RARG: variants seen among roughly 807,000 people sequenced by gnomAD.
RARG encodes the protein RAR-gamma.
A neutral mutation model predicts 43.7 loss-of-function variants in RARG; 17 were observed. That is an observed-to-expected ratio of 0.39 (90% CI 0.27 to 0.58). RARG has a LOEUF of 0.58. RARG is among the 20% of genes least tolerant of loss of function. RARG has a pLI of 0.57. For synonymous variants in RARG, 238 were observed against 236.4 expected (o/e 1.01, Z -0.06); for missense variants, 346 against 598.7 (o/e 0.58, Z 4.40).
chr12:53,229,955 C>T (rs2120742588), intron 2 of RARG: 4 of 978,690 alleles, frequency 4.1e-6, no homozygotes, highest in Non-Finnish European at 2.4e-6. Flanking sequence ...TGTCCTTGGC[C>T]TTCCTCTTAT....
chr12:53,219,938 T>G, intron 3 of RARG: 1 of 1,500,244 alleles, frequency 6.7e-7, no homozygotes, highest in Non-Finnish European at 8.9e-7. Context: ...AGCCCCGGAC[T>G]CCGGTACCTA....
rs1016087675 is a variant in RARG at position 53,227,654 on chromosome 12, C to A, written c.-109G>T. On this transcript the variant is annotated 5_prime_UTR_variant, in exon 3 of 10. Coordinates refer to ENST00000425354, the MANE Select transcript of RARG (RefSeq NM_000966.6). The surrounding 1 kb of genome is among the most constrained non-coding windows in gnomAD (Gnocchi z 4.3). ...CCAGCCTGGGAGGCTCCGTACCCGC[C>A]CTGCCTGGCCTGCCCACTGGGCCTC... 1.5e-6 allele frequency: 2 copies of A among 1,340,524 alleles called. No individual in the cohort carries two copies. The highest frequency in any genetic ancestry group is 3.0e-5 in the African/African-American group (2 of 65,678). 83.0% of individuals were successfully genotyped at this position (1,340,524 alleles called of 1,614,324 possible).
In RARG at chr12:53,211,731, C is replaced by A. The variant is rs554853535; in HGVS notation, c.1310G>T (p.Ser437Ile). 39 of 1,567,454 alleles carry A rather than the reference C, an allele frequency of 2.5e-5. No homozygotes were observed. The East Asian group carries it at 8.1e-4, about 33-fold the overall frequency. ...SQPGPHPNAS[S>I]EDEVPGGQGK... is the part of the protein sequence containing the mutation. Reference sequence around the variant, plus strand: ...CTGGCCCCCAGGAACCTCATCCTCGCTAGAGGCATTGGGGTGGGGACCAGG... The same window carrying A: ...CTGGCCCCCAGGAACCTCATCCTCGATAGAGGCATTGGGGTGGGGACCAGG... The change falls in exon 10 of 10, where the codon AGC becomes ATC. Residue 437 changes from serine (S) to isoleucine (I), a missense_variant. Physicochemically the swap from Ser to Ile is moderately radical, Grantham distance 142. This residue lies in a region of RARG where 40 missense variants were observed against 44.6 expected (regional missense o/e 0.90). Coordinates refer to ENST00000425354, the MANE Select transcript of RARG (RefSeq NM_000966.6). The surrounding 1 kb of genome is among the most constrained non-coding windows in gnomAD (Gnocchi z 4.6).
chr12:53,226,839 T>C (rs1348430101), intron 3 of RARG, among the ~76,000 whole-genome samples: 1 of 152,094 alleles, frequency 6.6e-6, no homozygotes, highest in East Asian at 1.9e-4. Flanking sequence ...CTCGAACTCC[T>C]GGCCTCAAGT....
At chr12:53,216,858 G>GCGCC in intron 3 of RARG, among the ~76,000 whole-genome samples, 1 of 122,170 alleles carries the variant, frequency 8.2e-6, no homozygotes, top group Admixed American at 7.7e-5. Context: ...GCGCGCGCGC[G>GCGCC]CGCGTGTGGT....
chr12:53,232,018 G>C lies in RARG; in HGVS notation c.-254C>G. The C allele has an allele frequency of 5.0e-6, 2 of 398,046 alleles. No homozygotes were observed. Among genetic ancestry groups the C allele is most frequent in the Non-Finnish European group, 8.9e-6 (2 of 225,724 alleles). The allele number at this position is 398,046 out of a possible 1,614,324, so 24.7% of individuals were successfully genotyped here. ...GGAGGCGGCGGAGCCCCGAGGTCCC[G>C]GCGTCGGGCAGTCTCTTGGATGGAG... On this transcript the variant is annotated 5_prime_UTR_variant, in exon 1 of 10. Coordinates refer to ENST00000425354, the MANE Select transcript of RARG (RefSeq NM_000966.6).
intron 3 of RARG, among the ~76,000 whole-genome samples, chr12:53,225,188 G>A (rs1051870181): frequency 2.6e-5 from 4 of 152,154 alleles, no homozygotes; most frequent in African/African-American, 9.7e-5. Context: ...AAGCCCAGCT[G>A]TAGTTTCCAA....
At chr12:53,220,856 C>CG (rs1216861299) in intron 3 of RARG, among the ~76,000 whole-genome samples, 1 of 152,134 alleles carries the variant, frequency 6.6e-6, no homozygotes, top group African/African-American at 2.4e-5. Context: ...TGGAGGTCCC[C>CG]GCGCGCAGCT....
chr12:53,218,031 A>T (rs567641072), intron 3 of RARG, among the ~76,000 whole-genome samples: 4 of 152,274 alleles, frequency 2.6e-5, no homozygotes, highest in African/African-American at 9.6e-5. Flanking sequence ...ACACACAGCC[A>T]GAATAGAGAC....
intron 3 of RARG, chr12:53,220,121 A>G: frequency 6.5e-7 from 1 of 1,550,018 alleles, no homozygotes; most frequent in Admixed American, 2.0e-5. Flanking sequence ...CTTGAAGGGA[A>G]ACTGGGTGCT....
At position 53,232,113 on chromosome 12, in the gene RARG, C is replaced by T. The variant is rs1943251327; in HGVS notation, c.-349G>A. Reference sequence around the variant, plus strand: ...GGCACGGCTCTAGGCTGGGACTGTCCCGGGGCCTCTCGGAGCCCGCCCGCC... The same window carrying T: ...GGCACGGCTCTAGGCTGGGACTGTCTCGGGGCCTCTCGGAGCCCGCCCGCC... On this transcript the variant is annotated 5_prime_UTR_variant, in exon 1 of 10. Coordinates refer to ENST00000425354, the MANE Select transcript of RARG (RefSeq NM_000966.6). 3 of 398,532 alleles carry T rather than the reference C, an allele frequency of 7.5e-6. No individual in the cohort carries two copies. Among genetic ancestry groups the T allele is most frequent in the Non-Finnish European group, 1.3e-5 (3 of 226,094 alleles). 24.7% of individuals were successfully genotyped at this position (398,532 alleles called of 1,614,324 possible).
intron 3 of RARG, among the ~76,000 whole-genome samples, chr12:53,218,617 G>A (rs983858668): frequency 6.6e-6 from 1 of 151,766 alleles, no homozygotes; most frequent in African/African-American, 2.4e-5. Flanking sequence ...GTCAAGTCCG[G>A]TCTCCTGGTT....
chr12:53,215,746 G>A lies in RARG; in HGVS notation c.233C>T (p.Pro78Leu). 1 of 1,613,304 alleles carries A rather than the reference G, an allele frequency of 6.2e-7. No homozygotes were observed. Among genetic ancestry groups the A allele is most frequent in the Non-Finnish European group, 8.5e-7 (1 of 1,179,868 alleles). Residue 78 changes from proline to leucine, a missense_variant, in exon 4 of 10, where the codon CCC becomes CTC. This residue lies in a region of RARG where 50 missense variants were observed against 117.7 expected (regional missense o/e 0.42). Transcript: ENST00000425354. The surrounding 1 kb of genome is among the most constrained non-coding windows in gnomAD (Gnocchi z 6.4). ...TSSEEMVPSS[P>L]SPPPPPRVYK... Reference sequence around the variant, plus strand: ...GACCCGAGGAGGCGGAGGGGGCGAGGGCGAGCTGGGCACCATCTCCTCTGA... The same window carrying A: ...GACCCGAGGAGGCGGAGGGGGCGAGAGCGAGCTGGGCACCATCTCCTCTGA...
chr12:53,217,429 C>A (rs1178791158), intron 3 of RARG, among the ~76,000 whole-genome samples: 1 of 152,218 alleles, frequency 6.6e-6, no homozygotes, highest in African/African-American at 2.4e-5. Context: ...CCCTCCCTGC[C>A]CGCAGAGCGC....
chr12:53,225,034 T>A (rs1229973577), intron 3 of RARG, among the ~76,000 whole-genome samples: 1 of 152,046 alleles, frequency 6.6e-6, no homozygotes, highest in Non-Finnish European at 1.5e-5. Flanking sequence ...TTTACTTGCC[T>A]CTCCCAGAAC....
intron 3 of RARG, among the ~76,000 whole-genome samples, chr12:53,216,885 G>C (rs775650573): frequency 6.6e-5 from 10 of 151,282 alleles, no homozygotes; most frequent in Non-Finnish European, 1.2e-4. Context: ...TCAGAGGCTC[G>C]GAAAATTTGT....
At position 53,232,100 on chromosome 12, in the gene RARG, G is replaced by A. The variant is rs947423641; in HGVS notation, c.-336C>T. On this transcript the variant is annotated 5_prime_UTR_variant, in exon 1 of 10. Transcript: ENST00000425354. ...GGGCTCCTGGGGGGGCACGGCTCTA[G>A]GCTGGGACTGTCCCGGGGCCTCTCG... 9 of 398,640 alleles carry A rather than the reference G, an allele frequency of 2.3e-5. No homozygotes were observed. The highest frequency in any genetic ancestry group is 3.5e-5 in the Non-Finnish European group (8 of 226,176). 24.7% of individuals were successfully genotyped at this position (398,640 alleles called of 1,614,324 possible). A position where few individuals can be genotyped will look rare whatever the true frequency, so the allele number is the denominator to read the frequency against.
chr12:53,227,446 T>G lies in RARG; in HGVS notation c.100A>C (p.Arg34=), dbSNP rs376517367. The change falls in exon 3 of 10, where the codon AGG becomes CGG. Residue 34 remains arginine (R), a synonymous_variant. Transcript: ENST00000425354. This position sits in a 1 kb window ranked among gnomAD's most constrained non-coding sequence, Gnocchi z 4.3. ...AGCATCTCGAAAGGCGGAGACCCCCTGAGTGCCCCTGGGAAGGCGAAGGGG... is the reference window on the plus strand; with the variant it reads ...AGCATCTCGAAAGGCGGAGACCCCCGGAGTGCCCCTGGGAAGGCGAAGGGG... ...GFPFAFPGAL[R]GSPPFEMLSP... is the part of the protein sequence containing the mutation. The G allele has an allele frequency of 9.7e-5, 156 of 1,610,432 alleles. No individual in the cohort carries two copies. The highest frequency in any genetic ancestry group is 1.3e-4 in the Non-Finnish European group (153 of 1,178,546).
chr12:53,220,377 T>TA, intron 3 of RARG: 2 of 751,668 alleles, frequency 2.7e-6, no homozygotes, highest in Non-Finnish European at 3.1e-6. Flanking sequence ...AGACCTTTTT[T>TA]AAAAGCGAAG....
Sources: allele counts gnomAD v4.1 joint callset (sites outside exome capture counted in the v4.1 genomes callset), GRCh38; gene constraint gnomAD v4.1.1; regional missense constraint gnomAD v4.1.1; non-coding constraint Gnocchi (gnomAD v3.1); transcripts MANE v1.5; gene names NCBI Gene and HGNC (gene_info 2026-07-23, HGNC 2026-07-21).